Variants in MSRA observed in about 807,000 individuals in gnomAD.
MSRA encodes methionine sulfoxide reductase A, also known as mitochondrial peptide methionine sulfoxide reductase.
A neutral mutation model predicts 31.3 loss-of-function variants in MSRA; 54 were observed. That is an observed-to-expected ratio of 1.73 (90% CI 1.39 to 2.17). The LOEUF (loss-of-function observed/expected upper bound fraction) is 2.17, where lower values mean the gene tolerates loss of function less well. Among genes scored for constraint, MSRA ranks in the 30% most tolerant of loss-of-function variants. The pLI, the probability that MSRA is intolerant of heterozygous loss-of-function variation, is 0.00. For missense variants in MSRA, 507 were observed against 300.9 expected, an observed-to-expected ratio of 1.69 and a Z score of -5.07; for synonymous variants, 169 against 116.5, an observed-to-expected ratio of 1.45 and a Z score of -2.90.
chr8:10,159,056 A>T (rs1409879682), intron 1 of MSRA, among the ~76,000 whole-genome samples: 1 of 152,208 alleles, frequency 6.6e-6, no homozygotes, highest in African/African-American at 2.4e-5. Flanking sequence ...AAGAGGATGG[A>T]TGAGAGAGGT....
At chr8:10,389,380 C>G (rs1262747023) in intron 5 of MSRA, among the ~76,000 whole-genome samples, 1 of 152,240 alleles carries the variant, frequency 6.6e-6, no homozygotes. Context: ...GTGAGGGAGG[C>G]TTCAACCAAA....
At chr8:10,103,733 G>C (rs1783867847) in intron 1 of MSRA, among the ~76,000 whole-genome samples, 1 of 151,618 alleles carries the variant, frequency 6.6e-6, no homozygotes, top group South Asian at 2.1e-4. Context: ...CTTTAAAATT[G>C]TTTAAATATC....
intron 5 of MSRA, among the ~76,000 whole-genome samples, chr8:10,321,615 A>ACC (rs1802046627): frequency 6.6e-6 from 1 of 152,218 alleles, no homozygotes; most frequent in African/African-American, 2.4e-5. Context: ...CTAATGAATG[A>ACC]CAGCAGTGAT....
chr8:10,073,922 T>C (rs957975413), intron 1 of MSRA, among the ~76,000 whole-genome samples: 2 of 152,050 alleles, frequency 1.3e-5, no homozygotes, highest in African/African-American at 4.8e-5. Flanking sequence ...TAGTTTGTAT[T>C]GCTGTGTTTC....
chr8:10,313,833 A>G (rs1350764800), intron 4 of MSRA, among the ~76,000 whole-genome samples: 1 of 152,252 alleles, frequency 6.6e-6, no homozygotes, highest in East Asian at 1.9e-4. Flanking sequence ...TGTAGGGACA[A>G]ATGAATAGAG....
intron 3 of MSRA, among the ~76,000 whole-genome samples, chr8:10,257,523 C>G (rs1798247770): frequency 6.6e-6 from 1 of 152,202 alleles, no homozygotes; most frequent in Admixed American, 6.5e-5. Context: ...TCTCCTGCCT[C>G]AGCCTCTGGA....
At chr8:10,344,746 A>C (rs777377682) in intron 5 of MSRA, among the ~76,000 whole-genome samples, 13 of 152,160 alleles carry the variant, frequency 8.5e-5, no homozygotes, top group Non-Finnish European at 1.6e-4. Flanking sequence ...AGCTTCGTTC[A>C]CCAACACATT....
intron 5 of MSRA, among the ~76,000 whole-genome samples, chr8:10,328,055 T>TTTA: frequency 3.9e-5 from 3 of 76,532 alleles, no homozygotes; most frequent in Non-Finnish European, 6.6e-5. Context: ...TTTTTTTTAG[T>TTTA]ATCAGTGACA....
chr8:10,252,946 C>G (rs755096090), intron 3 of MSRA, among the ~76,000 whole-genome samples: 2 of 152,128 alleles, frequency 1.3e-5, no homozygotes, highest in Non-Finnish European at 2.9e-5. Flanking sequence ...CTCATACTCA[C>G]GTAGGTATGA....
chr8:10,207,929 C>A (rs747229017), intron 2 of MSRA, 28 bp downstream of exon 2: 3 of 1,585,574 alleles, frequency 1.9e-6, no homozygotes, highest in Non-Finnish European at 8.6e-7. Context: ...AAAGAAAACC[C>A]AAATTGTGTG....
chr8:10,335,250 G>GTTTTTTTTTTTTTTTTTTTTTTTT (rs1170264568), intron 5 of MSRA, among the ~76,000 whole-genome samples: 1 of 79,884 alleles, frequency 1.3e-5, no homozygotes, highest in African/African-American at 5.4e-5. Context: ...TCCCAGCTCT[G>GTTTTTTTTTTTTTTTTTTTTTTTT]TTTTTTTTTT....
chr8:10,151,261 C>CAAA (rs34388218), intron 1 of MSRA, among the ~76,000 whole-genome samples: 7 of 109,132 alleles, frequency 6.4e-5, no homozygotes, highest in African/African-American at 1.4e-4. Context: ...GAGTCTGTCT[C>CAAA]AAAAAAAAAA....
intron 1 of MSRA, among the ~76,000 whole-genome samples, chr8:10,122,318 G>T (rs910989087): frequency 6.6e-6 from 1 of 152,238 alleles, no homozygotes; most frequent in Admixed American, 6.5e-5. Flanking sequence ...CACCCGCCTG[G>T]AGAAGCATAC....
chr8:10,428,376 CT>C lies in MSRA; in HGVS notation c.*66del. Reference sequence around the variant, plus strand: ...AATGCTTTCAACAAATTGGGCAATGCTTGTGTGATTCACAATCGTGGCATTT... The same window carrying C: ...AATGCTTTCAACAAATTGGGCAATGCTGTGTGATTCACAATCGTGGCATTT... On this transcript the variant is annotated 3_prime_UTR_variant, in exon 6 of 6. Coordinates refer to ENST00000317173, the MANE Select transcript of MSRA (RefSeq NM_012331.5). 6.6e-7 allele frequency: 1 copy of C among 1,521,048 alleles called. No individual in the cohort carries two copies. Among genetic ancestry groups the C allele is most frequent in the East Asian group, 2.3e-5 (1 of 44,220 alleles). The allele number at this position is 1,521,048 out of a possible 1,614,324, so 94.2% of individuals were successfully genotyped here.
intron 2 of MSRA, among the ~76,000 whole-genome samples, chr8:10,222,283 T>C (rs1810584602): frequency 6.6e-6 from 1 of 152,184 alleles, no homozygotes; most frequent in Non-Finnish European, 1.5e-5. Context: ...TTTCATAGTT[T>C]TGTAAGGTTT....
chr8:10,265,420 C>T (rs1166832920), intron 3 of MSRA, among the ~76,000 whole-genome samples: 1 of 152,130 alleles, frequency 6.6e-6, no homozygotes, highest in Non-Finnish European at 1.5e-5. Flanking sequence ...AAATAGTGAC[C>T]TATGCCTCTC....
intron 1 of MSRA, among the ~76,000 whole-genome samples, chr8:10,151,041 G>A (rs1585039438): frequency 6.6e-6 from 1 of 151,930 alleles, no homozygotes; most frequent in African/African-American, 2.4e-5. Flanking sequence ...GATGAGGCAT[G>A]GTGATAATTC....
At chr8:10,316,370 T>C (rs1351015563) in intron 4 of MSRA, among the ~76,000 whole-genome samples, 1 of 152,102 alleles carries the variant, frequency 6.6e-6, no homozygotes, top group African/African-American at 2.4e-5. Context: ...CAGTTTCACC[T>C]TTGAGGGAGT....
At chr8:10,338,765 T>A (rs377414669) in intron 5 of MSRA, among the ~76,000 whole-genome samples, 6 of 152,194 alleles carry the variant, frequency 3.9e-5, no homozygotes, top group African/African-American at 1.4e-4. Context: ...TAATGGACTT[T>A]TGTGGTGCTT....
Sources: allele counts gnomAD v4.1 joint callset (sites outside exome capture counted in the v4.1 genomes callset), GRCh38; gene constraint gnomAD v4.1.1; transcripts MANE v1.5; gene names NCBI Gene and HGNC (gene_info 2026-07-23, HGNC 2026-07-21).